Variants in MALAT1 observed in about 807,000 individuals in gnomAD.
The protein encoded by MALAT1 is metastasis associated lung adenocarcinoma transcript 1, also known as hepcarcin.
chr11:65,499,912 A>T, exon 3 of MALAT1: 1 of 432,040 alleles, frequency 2.3e-6, no homozygotes, highest in Non-Finnish European at 4.5e-6. Flanking sequence ...AATGAAAAAC[A>T]AGCTAAGACA....
exon 3 of MALAT1, chr11:65,499,280 T>A (rs763169391): frequency 3.9e-6 from 2 of 513,686 alleles, no homozygotes; most frequent in African/African-American, 1.9e-5. Context: ...AAGGAAAAGA[T>A]AAAAGGTTTC....
chr11:65,503,172 C>G (rs748159274), exon 3 of MALAT1: 2 of 511,480 alleles, frequency 3.9e-6, no homozygotes, highest in Admixed American at 2.0e-5. Flanking sequence ...GAGCAGAAAA[C>G]AGCAGGCAGC....
At chr11:65,499,063 C>G (rs373733194) in exon 3 of MALAT1, 7 of 517,936 alleles carry the variant, frequency 1.4e-5, no homozygotes, top group Admixed American at 7.8e-5. Flanking sequence ...AGGCAGCCAG[C>G]GCAGGGGCTT....
chr11:65,499,991 TGAG>T (rs763078560), exon 3 of MALAT1: 48 of 424,116 alleles, frequency 1.1e-4, no homozygotes, highest in Admixed American at 7.5e-4. Flanking sequence ...ACTGAAAAAA[TGAG>T]GAAATTATTG....
At chr11:65,501,858 G>A (rs1431827239) in exon 3 of MALAT1, 2 of 517,360 alleles carry the variant, frequency 3.9e-6, no homozygotes, top group African/African-American at 3.9e-5. Context: ...GGCAAATATT[G>A]GCAATTAGTT....
chr11:65,499,507 C>T (rs933787562), exon 3 of MALAT1: 3 of 464,392 alleles, frequency 6.5e-6, no homozygotes, highest in South Asian at 4.8e-5. Flanking sequence ...AGAGATTAAA[C>T]CGAAGGTGAT....
At chr11:65,500,934 C>G in exon 3 of MALAT1, 2 of 512,624 alleles carry the variant, frequency 3.9e-6, no homozygotes, top group South Asian at 2.9e-5. Flanking sequence ...CAGGCTTATA[C>G]TCATGAATCT....
intron 3 of MALAT1, chr11:65,504,410 T>C (rs1302998905): frequency 1.9e-6 from 1 of 518,876 alleles, no homozygotes; most frequent in Non-Finnish European, 3.8e-6. Flanking sequence ...ATCCCGCTGC[T>C]ATTAGAATGC....
chr11:65,500,706 T>C, exon 3 of MALAT1: 1 of 518,970 alleles, frequency 1.9e-6, no homozygotes. Context: ...GCGTTGTGCG[T>C]AGAGGATCCT....
At chr11:65,499,467 T>G (rs747837750) in exon 3 of MALAT1, 1 of 465,524 alleles carries the variant, frequency 2.1e-6, no homozygotes, top group Admixed American at 2.4e-5. Flanking sequence ...TTGTAGGTGA[T>G]TAAAATAATT....
chr11:65,499,322 T>C (rs762707852), exon 3 of MALAT1: 1 of 505,622 alleles, frequency 2.0e-6, no homozygotes, highest in Non-Finnish European at 4.0e-6. Context: ...ATGAAGCTTC[T>C]TCATGGAGTA....
rs570507089 is a variant in MALAT1 at position 65,498,631 on chromosome 11, G to A, written n.179-51G>A. On this transcript the variant is annotated intron_variant and non_coding_transcript_variant, in intron 1 of 3. Coordinates refer to ENST00000619449, the Ensembl canonical transcript of MALAT1. Reference sequence around the variant, plus strand: ...CCCTGCAAGGCTGGGGCTCAGTTGCGTAATGGAAAGTAAAGCCCTGAACTA... The same window carrying A: ...CCCTGCAAGGCTGGGGCTCAGTTGCATAATGGAAAGTAAAGCCCTGAACTA... 1.1e-3 allele frequency: 548 copies of A among 518,624 alleles called. 2 individuals carry two copies. Among genetic ancestry groups the A allele is most frequent in the South Asian group, 7.4e-3 (529 of 71,586 alleles). 32.1% of individuals were successfully genotyped at this position (518,624 alleles called of 1,614,324 possible). A position where few individuals can be genotyped will look rare whatever the true frequency, so the allele number is the denominator to read the frequency against.
exon 3 of MALAT1, chr11:65,501,187 T>A: frequency 2.0e-6 from 1 of 510,078 alleles, no homozygotes; most frequent in Non-Finnish European, 3.9e-6. Context: ...AAATGTAGAG[T>A]TTGGATGTGT....
At chr11:65,498,030 G>A (rs751658372) in intron 1 of MALAT1, 5 of 518,946 alleles carry the variant, frequency 9.6e-6, no homozygotes, top group East Asian at 5.4e-5. Flanking sequence ...GGGTTTGGAG[G>A]AAAGCTTTTA....
intron 3 of MALAT1, chr11:65,504,443 A>G: frequency 1.9e-6 from 1 of 518,884 alleles, no homozygotes. Context: ...CTGGAGTATG[A>G]TTAAAAGTTG....
intron 3 of MALAT1, chr11:65,505,267 T>A: frequency 1.9e-6 from 1 of 518,664 alleles, no homozygotes; most frequent in South Asian, 1.4e-5. Flanking sequence ...AACAAAGCGC[T>A]ATTATCCTAA....
At chr11:65,499,354 T>C (rs781047446) in exon 3 of MALAT1, 5 of 494,082 alleles carry the variant, frequency 1.0e-5, no homozygotes, top group Admixed American at 2.1e-5. Context: ...TAAAAGAAAA[T>C]TGAGAGAAAG....
exon 3 of MALAT1, chr11:65,500,999 A>T: frequency 2.0e-6 from 1 of 509,334 alleles, no homozygotes; most frequent in Non-Finnish European, 3.9e-6. Flanking sequence ...GTAGATGGCA[A>T]GTTTGTGGGT....
exon 3 of MALAT1, chr11:65,500,644 G>C (rs1565051723): frequency 3.9e-6 from 2 of 519,014 alleles, no homozygotes; most frequent in Non-Finnish European, 7.7e-6. Context: ...GCAATTTGGT[G>C]ATGAAGGTAG....
Sources: gnomAD v4.1 joint callset for allele counts on GRCh38, gnomAD v4.1.1 for gene constraint, MANE v1.5 for transcripts, NCBI Gene and HGNC (gene_info 2026-07-23, HGNC 2026-07-21) for gene names.